PTPRD: variants seen among roughly 807,000 people sequenced by gnomAD.
The protein encoded by PTPRD is receptor-type tyrosine-protein phosphatase delta.
In PTPRD, 34 loss-of-function variants were observed where a neutral mutation model predicts 214.5. The observed-to-expected ratio is 0.16, with a 90% CI of 0.12 to 0.21. The LOEUF (loss-of-function observed/expected upper bound fraction) is 0.21. Among genes scored for constraint, PTPRD ranks in the 10% least tolerant of loss-of-function variants. PTPRD has a pLI of 1.00. For synonymous variants in PTPRD, 1,128 were observed against 845.7 expected, an observed-to-expected ratio of 1.33 and a Z score of -5.79; for missense variants, 2,545 against 2,398.7, an observed-to-expected ratio of 1.06 and a Z score of -1.27.
At chr9:10,500,222 T>A (rs1021697890) in intron 2 of PTPRD, among the ~76,000 whole-genome samples, 2 of 151,874 alleles carry the variant, frequency 1.3e-5, no homozygotes, top group East Asian at 3.9e-4. Flanking sequence ...GTAAACTAAC[T>A]TTCTGTAAGA....
At chr9:9,604,857 G>T (rs1451781533) in intron 7 of PTPRD, among the ~76,000 whole-genome samples, 2 of 151,004 alleles carry the variant, frequency 1.3e-5, no homozygotes, top group African/African-American at 2.4e-5. Context: ...ATCAAAAAAA[G>T]AAAACTATTA....
intron 5 of PTPRD, among the ~76,000 whole-genome samples, chr9:9,851,446 CTTTT>C: frequency 1.3e-5 from 2 of 152,258 alleles, no homozygotes; most frequent in South Asian, 4.1e-4. Flanking sequence ...AATATTGCCT[CTTTT>C]TGTTTTGGTT....
chr9:9,490,237 A>G (rs1412504902), intron 8 of PTPRD, among the ~76,000 whole-genome samples: 4 of 152,088 alleles, frequency 2.6e-5, no homozygotes, highest in Non-Finnish European at 5.9e-5. Context: ...CACTAAACCT[A>G]CCCTGCAAAA....
chr9:10,406,925 G>T (rs1449986922), intron 2 of PTPRD, among the ~76,000 whole-genome samples: 14 of 151,614 alleles, frequency 9.2e-5, no homozygotes, highest in Non-Finnish European at 2.1e-4. Flanking sequence ...TGATTTACTA[G>T]AAAAATATAT....
At chr9:9,343,891 A>C (rs1468120659) in intron 9 of PTPRD, among the ~76,000 whole-genome samples, 1 of 152,152 alleles carries the variant, frequency 6.6e-6, no homozygotes, top group East Asian at 1.9e-4. Flanking sequence ...GTCCAATACC[A>C]ATGAGAAGAA....
intron 22 of PTPRD, among the ~76,000 whole-genome samples, chr9:8,507,058 A>G (rs562794718): frequency 4.3e-4 from 65 of 152,214 alleles, no homozygotes; most frequent in African/African-American, 1.5e-3. Flanking sequence ...TCCAACAGGA[A>G]CAAGAGTTAT....
intron 3 of PTPRD, among the ~76,000 whole-genome samples, chr9:10,240,664 T>C (rs1049946468): frequency 2.6e-5 from 4 of 151,858 alleles, no homozygotes; most frequent in South Asian, 4.1e-4. Context: ...AATGACAAAA[T>C]GTTAATTTTT....
intron 5 of PTPRD, among the ~76,000 whole-genome samples, chr9:9,872,249 A>C (rs955568296): frequency 6.6e-6 from 1 of 152,194 alleles, no homozygotes; most frequent in Non-Finnish European, 1.5e-5. Flanking sequence ...ATTGAATTCC[A>C]GCCAGAATAT....
Position 9,838,433 on chromosome 9 carries a change from G to A in PTPRD, c.-367-71582C>T, listed in dbSNP as rs559731157. On this transcript the variant is annotated intron_variant, in intron 5 of 45. Coordinates refer to ENST00000381196, the MANE Select transcript of PTPRD (RefSeq NM_002839.4). ...CTCCACATCCTCTCCAGCACCTGTT[G>A]TTTCCTGACTTTTTAATGATTGCCA... Among the ~76,000 whole-genome samples the A allele has an allele frequency of 6.9e-3, 1,044 of 152,132 alleles. 3 individuals carry two copies. The highest frequency in any genetic ancestry group is 0.012 in the Non-Finnish European group (803 of 68,006).
Position 8,350,752 on chromosome 9 carries a change from AG to A in PTPRD, c.4662-8775del, listed in dbSNP as rs542017692. 7.6e-4 allele frequency among the ~76,000 whole-genome samples: 115 copies of A among 151,024 alleles called. 1 individual carries two copies. Among genetic ancestry groups the A allele is most frequent in the East Asian group, 3.1e-3 (16 of 5,160 alleles). ...TATTAATTTCTTTGACAAAATATTC[AG>A]CTGTCTAACTTTTATATATTACAAA... is the stretch of plus-strand genomic sequence containing the variant. On this transcript the variant is annotated intron_variant, in intron 39 of 45. Transcript: ENST00000381196.
At chr9:8,761,161 A>C (rs1238354861) in intron 11 of PTPRD, among the ~76,000 whole-genome samples, 1 of 152,186 alleles carries the variant, frequency 6.6e-6, no homozygotes, top group Non-Finnish European at 1.5e-5. Flanking sequence ...CTAAAAGATA[A>C]GCCAAAAACA....
At chr9:8,412,099 G>A (rs1034556174) in intron 35 of PTPRD, among the ~76,000 whole-genome samples, 2 of 152,156 alleles carry the variant, frequency 1.3e-5, no homozygotes, top group Non-Finnish European at 2.9e-5. Flanking sequence ...TATAAAGTAT[G>A]ATATTTAATA....
intron 9 of PTPRD, among the ~76,000 whole-genome samples, chr9:9,278,805 T>C (rs1312472759): frequency 1.3e-5 from 2 of 151,370 alleles, no homozygotes; most frequent in African/African-American, 4.8e-5. Flanking sequence ...GCCTGGGATA[T>C]AGTAGGTATA....
chr9:10,068,736 G>C (rs2097931827), intron 3 of PTPRD, among the ~76,000 whole-genome samples: 2 of 151,854 alleles, frequency 1.3e-5, no homozygotes, highest in South Asian at 4.1e-4. Flanking sequence ...TTCCAAGTTG[G>C]AGCAGGTGGA....
At chr9:10,270,634 A>G (rs943507908) in intron 3 of PTPRD, among the ~76,000 whole-genome samples, 2 of 152,208 alleles carry the variant, frequency 1.3e-5, no homozygotes, top group African/African-American at 4.8e-5. Flanking sequence ...TTCAGGCTCA[A>G]TAATGACAAT....
In PTPRD at chr9:8,356,270, A is replaced by G. The variant is rs1160163746; in HGVS notation, c.4662-14292T>C. Among the ~76,000 whole-genome samples, 3 of 152,312 alleles carry G rather than the reference A, an allele frequency of 2.0e-5. No individual in the cohort carries two copies. In the East Asian group the frequency reaches 5.8e-4, roughly 29 times the overall value. On this transcript the variant is annotated intron_variant, in intron 39 of 45. Transcript: ENST00000381196. ...ATCAGATACCATGTAATAAGACCTA[A>G]AAGTATTTTTCCAAAGACAGAAAGA...
chr9:9,711,021 C>T (rs561360227), intron 7 of PTPRD, among the ~76,000 whole-genome samples: 4 of 152,126 alleles, frequency 2.6e-5, no homozygotes, highest in African/African-American at 4.8e-5. Context: ...TGTGAATGTG[C>T]CCTACGATGG....
chr9:8,445,690 G>C (rs112913262), intron 34 of PTPRD, among the ~76,000 whole-genome samples: 4,970 of 152,070 alleles, frequency 0.033, 115 homozygotes, highest in Non-Finnish European at 0.045. Flanking sequence ...CATTTAGGGG[G>C]AGAAAAAAAA....
At chr9:8,870,714 A>ACACACACACACG (rs1555457927) in intron 11 of PTPRD, among the ~76,000 whole-genome samples, 2,927 of 150,064 alleles carry the variant, frequency 0.02, 37 homozygotes, top group Middle Eastern at 0.027. Context: ...ACACACACAC[A>ACACACACACACG]CACACACACA....
Sources: gnomAD v4.1 joint callset for allele counts (sites outside exome capture counted in the v4.1 genomes callset) on GRCh38, gnomAD v4.1.1 for gene constraint, MANE v1.5 for transcripts, NCBI Gene and HGNC (gene_info 2026-07-23, HGNC 2026-07-21) for gene names.